Variants in SEPTIN14 observed in about 807,000 individuals in gnomAD.
SEPTIN14 encodes the protein septin 14.
Under a neutral mutation model 53.6 loss-of-function variants are expected in SEPTIN14, and 40 were observed. The observed-to-expected ratio is 0.75, with a 90% CI of 0.58 to 0.97. The LOEUF (loss-of-function observed/expected upper bound fraction) is 0.97. Among genes scored for constraint, SEPTIN14 ranks in the 50% least tolerant of loss-of-function variants. SEPTIN14 has a pLI of 0.00. For synonymous variants in SEPTIN14, 138 were observed against 166.8 expected (o/e 0.83, Z 1.33); for missense variants, 471 against 508.2 (o/e 0.93, Z 0.70).
Position 55,830,338 on chromosome 7 carries a change from T to C in SEPTIN14, c.720+4087A>G, listed in dbSNP as rs1330605366. Among the ~76,000 whole-genome samples the C allele has an allele frequency of 2.6e-3, 116 of 44,720 alleles. 2 individuals carry two copies. Among genetic ancestry groups the C allele is most frequent in the African/African-American group, 8.8e-3 (109 of 12,426 alleles). 29.3% of individuals were successfully genotyped at this position (44,720 alleles called of 152,430 possible). A position where few individuals can be genotyped will look rare whatever the true frequency, so the allele number is the denominator to read the frequency against. On this transcript the variant is annotated intron_variant, in intron 6 of 9. Coordinates refer to ENST00000388975, the MANE Select transcript of SEPTIN14 (RefSeq NM_207366.3). ...ATCCAACTGTATATATATATATATA[T>C]ATATATATATATTTTTTTTTTTTTT...
intron 6 of SEPTIN14, among the ~76,000 whole-genome samples, chr7:55,834,160 G>GA (rs1241356691): frequency 2.6e-5 from 4 of 151,834 alleles, no homozygotes; most frequent in African/African-American, 4.8e-5. Context: ...TGAAAAAATA[G>GA]AAAAAAGAGG....
intron 9 of SEPTIN14, among the ~76,000 whole-genome samples, chr7:55,803,763 T>C (rs550921847): frequency 6.6e-6 from 1 of 151,640 alleles, no homozygotes; most frequent in African/African-American, 2.4e-5. Context: ...CTAAGGGAAG[T>C]GAGGTGGGAG....
chr7:55,797,398 G>A (rs1447940325), intron 9 of SEPTIN14, among the ~76,000 whole-genome samples: 1 of 152,150 alleles, frequency 6.6e-6, no homozygotes, highest in Admixed American at 6.6e-5. Flanking sequence ...TTAAAATGTT[G>A]AAGAGGCAAG....
At chr7:55,810,911 G>T in intron 7 of SEPTIN14, 1 of 358,422 alleles carries the variant, frequency 2.8e-6, no homozygotes, top group South Asian at 2.4e-5. Flanking sequence ...CCAAAACTAG[G>T]GTAACAGTGA....
intron 3 of SEPTIN14, among the ~76,000 whole-genome samples, chr7:55,845,197 GATC>G (rs1195989616): frequency 1.3e-5 from 2 of 152,166 alleles, no homozygotes; most frequent in African/African-American, 4.8e-5. Context: ...AAAAGAAGGA[GATC>G]ATGTCCTTTG....
rs1440085210 is a variant in SEPTIN14 at position 55,848,623 on chromosome 7, T to G, written c.55-1986A>C. ...CTAACAGAGATTTTTTTTTTTTTTTTTTTTTGAGACGGAGTCTCGCTCTGT... is the reference window on the plus strand; with the variant it reads ...CTAACAGAGATTTTTTTTTTTTTTTGTTTTTGAGACGGAGTCTCGCTCTGT... On this transcript the variant is annotated intron_variant, in intron 2 of 9. Coordinates refer to ENST00000388975, the MANE Select transcript of SEPTIN14 (RefSeq NM_207366.3). Among the ~76,000 whole-genome samples the G allele has an allele frequency of 2.8e-3, 417 of 150,804 alleles. 5 individuals carry two copies. The highest frequency in any genetic ancestry group is 0.01 in the Middle Eastern group (3 of 292).
intron 4 of SEPTIN14, among the ~76,000 whole-genome samples, chr7:55,843,399 AAAC>A (rs1164380623): frequency 6.6e-6 from 1 of 152,208 alleles, no homozygotes; most frequent in African/African-American, 2.4e-5. Flanking sequence ...GCAAGCAACT[AAAC>A]AACAACAACA....
At position 55,847,022 on chromosome 7, in the gene SEPTIN14, C is replaced by T. The variant is rs139056215; in HGVS notation, c.55-385G>A. The stretch of plus-strand genomic sequence containing the variant: ...CCAACATTGTGAAACCCCATCTCTA[C>T]TAAAAATACAAAATTAGCCGGGCAT... On this transcript the variant is annotated intron_variant, in intron 2 of 9. Coordinates refer to ENST00000388975, the MANE Select transcript of SEPTIN14 (RefSeq NM_207366.3). Among the ~76,000 whole-genome samples, 424 of 152,114 alleles carry T rather than the reference C, an allele frequency of 2.8e-3. 5 individuals carry two copies. The highest frequency in any genetic ancestry group is 0.01 in the Middle Eastern group (3 of 294).
chr7:55,854,890 A>T (rs1249188513), intron 2 of SEPTIN14, among the ~76,000 whole-genome samples: 1 of 152,244 alleles, frequency 6.6e-6, no homozygotes, highest in Non-Finnish European at 1.5e-5. Context: ...TACAAAGTCA[A>T]TATACAAAAA....
At chr7:55,846,843 A>G (rs1328439318) in intron 2 of SEPTIN14, among the ~76,000 whole-genome samples, 1 of 152,184 alleles carries the variant, frequency 6.6e-6, no homozygotes, top group African/African-American at 2.4e-5. Context: ...TTTTATAAAT[A>G]AAGTGAATCT....
At chr7:55,835,863 C>T (rs968180755) in intron 5 of SEPTIN14, among the ~76,000 whole-genome samples, 1 of 152,144 alleles carries the variant, frequency 6.6e-6, no homozygotes, top group Non-Finnish European at 1.5e-5. Flanking sequence ...CTGCTTCAGC[C>T]TCCTGAGTAG....
Position 55,817,761 on chromosome 7 carries a change from C to T in SEPTIN14, c.817+1366G>A, listed in dbSNP as rs192009923. ...CTGGGATTACAGGCGTGAGCCACTG[C>T]GCCCGGCCAATATTTTATATTCTTG... On this transcript the variant is annotated intron_variant, in intron 7 of 9. Transcript: ENST00000388975. 1.1e-4 allele frequency among the ~76,000 whole-genome samples: 17 copies of T among 152,118 alleles called. No individual in the cohort carries two copies. The South Asian group carries it at 1.5e-3, about 13-fold the overall frequency.
At chr7:55,811,496 C>CTTT (rs1170803437) in intron 7 of SEPTIN14, 346 of 180,960 alleles carry the variant, frequency 1.9e-3, no homozygotes, top group East Asian at 4.1e-3. Flanking sequence ...TTTTACAGTT[C>CTTT]TTTTTTTTTT....
chr7:55,802,939 A>ATTTTTT (rs552397102), intron 9 of SEPTIN14, among the ~76,000 whole-genome samples: 1 of 148,862 alleles, frequency 6.7e-6, no homozygotes. Flanking sequence ...ATGAAACTGA[A>ATTTTTT]CTTTTTTTTT....
chr7:55,832,864 C>G (rs944099069), intron 6 of SEPTIN14, among the ~76,000 whole-genome samples: 4 of 151,468 alleles, frequency 2.6e-5, no homozygotes, highest in African/African-American at 7.3e-5. Context: ...AAAAAATGAT[C>G]TGTTGGGTAC....
At chr7:55,859,624 C>A (rs187747811) in intron 2 of SEPTIN14, among the ~76,000 whole-genome samples, 1 of 151,940 alleles carries the variant, frequency 6.6e-6, no homozygotes, top group East Asian at 1.9e-4. Context: ...TTTTTTCAAT[C>A]CCTCCCTTCA....
intron 5 of SEPTIN14, 124 bp downstream of exon 5, chr7:55,842,818 C>CT (rs1789336302): frequency 2.0e-6 from 1 of 493,214 alleles, no homozygotes. Flanking sequence ...GAGGCTGAAG[C>CT]TGGAGAATGG....
intron 2 of SEPTIN14, among the ~76,000 whole-genome samples, chr7:55,859,193 A>G (rs1789700264): frequency 1.3e-5 from 2 of 151,810 alleles, no homozygotes; most frequent in Admixed American, 1.3e-4. Flanking sequence ...TGTCCAGGAC[A>G]TTTTCCCCTA....
intron 9 of SEPTIN14, among the ~76,000 whole-genome samples, chr7:55,800,793 C>A (rs1390357880): frequency 6.6e-6 from 1 of 152,044 alleles, no homozygotes; most frequent in Admixed American, 6.6e-5. Context: ...TCACTATACA[C>A]AATAATAATT....
Sources: allele counts gnomAD v4.1 joint callset (sites outside exome capture counted in the v4.1 genomes callset), GRCh38; gene constraint gnomAD v4.1.1; transcripts MANE v1.5; gene names NCBI Gene and HGNC (gene_info 2026-07-23, HGNC 2026-07-21).